The following SYNE2 variants were observed in gnomAD, a reference collection of about 807,000 sequenced individuals.
SYNE2 encodes the protein nesprin-2.
In SYNE2, 431 loss-of-function variants were observed where a neutral mutation model predicts 856.3. The ratio of observed to expected loss-of-function variants is 0.50; its 90% confidence interval spans 0.47 to 0.55. The LOEUF (loss-of-function observed/expected upper bound fraction) is 0.55. Ranked by LOEUF, SYNE2 falls within the 20% of genes least tolerant of loss-of-function variation. The pLI, the probability that SYNE2 is intolerant of heterozygous loss-of-function variation, is 0.00. For missense variants in SYNE2, 8,129 were observed against 8,023.2 expected (o/e 1.01, Z -0.50); for synonymous variants, 2,923 against 2,872.3 (o/e 1.02, Z -0.56).
chr14:63,949,346 GT>G (rs1419698228), intron 6 of SYNE2, among the ~76,000 whole-genome samples: 6 of 152,062 alleles, frequency 3.9e-5, no homozygotes, highest in African/African-American at 1.5e-4. Context: ...TAATGCAATT[GT>G]TTTTCATAGA....
chr14:64,053,915 G>A (rs2097248553), intron 48 of SYNE2, among the ~76,000 whole-genome samples: 1 of 152,200 alleles, frequency 6.6e-6, no homozygotes, highest in African/African-American at 2.4e-5. Context: ...GTTGTAATGA[G>A]TCAACATCCC....
intron 32 of SYNE2, among the ~76,000 whole-genome samples, chr14:64,011,105 T>C (rs1390788046): frequency 6.6e-6 from 1 of 150,462 alleles, no homozygotes; most frequent in Non-Finnish European, 1.5e-5. Flanking sequence ...ATTTAGTCCT[T>C]ATCTAGAACT....
intron 45 of SYNE2, among the ~76,000 whole-genome samples, chr14:64,042,564 G>A (rs896141972): frequency 6.6e-6 from 1 of 152,166 alleles, no homozygotes; most frequent in Admixed American, 6.5e-5. Flanking sequence ...ATGGGGGCAG[G>A]TCTTTCCTGC....
At chr14:63,971,762 G>A (rs974066111) in intron 11 of SYNE2, among the ~76,000 whole-genome samples, 2 of 152,078 alleles carry the variant, frequency 1.3e-5, no homozygotes, top group South Asian at 4.1e-4. Context: ...ATACAGGGCT[G>A]TGAGTGACAA....
At chr14:64,113,105 C>T in intron 65 of SYNE2, 1 of 985,398 alleles carries the variant, frequency 1.0e-6, no homozygotes, top group Non-Finnish European at 1.2e-6. Flanking sequence ...CTGTTTGCGT[C>T]CTCTGTGCCC....
At chr14:64,091,784 G>A (rs1464502836) in intron 60 of SYNE2, among the ~76,000 whole-genome samples, 1 of 152,202 alleles carries the variant, frequency 6.6e-6, no homozygotes, top group Non-Finnish European at 1.5e-5. Flanking sequence ...CAGAAAGTCT[G>A]CACAGACTTC....
intron 53 of SYNE2, chr14:64,075,653 A>G: frequency 2.9e-6 from 1 of 339,114 alleles, no homozygotes; most frequent in South Asian, 3.0e-5. Context: ...TGCAATGGAG[A>G]TACAATTAAA....
chr14:64,019,023 C>T (rs1322836110), intron 34 of SYNE2, among the ~76,000 whole-genome samples: 2 of 152,200 alleles, frequency 1.3e-5, no homozygotes, highest in Admixed American at 1.3e-4. Context: ...GTAATCCCAG[C>T]ATTTTGGGAG....
At chr14:63,886,116 T>G (rs1012347363) in intron 1 of SYNE2, among the ~76,000 whole-genome samples, 9 of 152,192 alleles carry the variant, frequency 5.9e-5, no homozygotes, top group African/African-American at 2.2e-4. Flanking sequence ...AGAATGAAAG[T>G]AGTTTTAACA....
chr14:64,045,326 C>CA (rs1447327387), intron 45 of SYNE2, among the ~76,000 whole-genome samples: 1 of 151,574 alleles, frequency 6.6e-6, no homozygotes, highest in African/African-American at 2.4e-5. Context: ...ACTGGATCAT[C>CA]AGATAAGAGA....
At chr14:64,148,622 G>T (rs916296744) in intron 84 of SYNE2, among the ~76,000 whole-genome samples, 8 of 152,076 alleles carry the variant, frequency 5.3e-5, no homozygotes, top group Admixed American at 2.6e-4. Context: ...CCCACTGACT[G>T]TGCCTTCCTA....
chr14:64,102,683 C>CTT, intron 64 of SYNE2, among the ~76,000 whole-genome samples: 1 of 151,908 alleles, frequency 6.6e-6, no homozygotes, highest in South Asian at 2.1e-4. Context: ...CGCTTAGCAA[C>CTT]TTTTAAGTAT....
At chr14:64,040,223 G>A (rs1349088266) in intron 45 of SYNE2, among the ~76,000 whole-genome samples, 3 of 151,950 alleles carry the variant, frequency 2.0e-5, no homozygotes, top group East Asian at 1.9e-4. Flanking sequence ...TAGCACAAAG[G>A]AACACTCTAC....
chr14:63,881,520 G>C (rs1055325410), intron 1 of SYNE2, among the ~76,000 whole-genome samples: 1 of 150,930 alleles, frequency 6.6e-6, no homozygotes, highest in Non-Finnish European at 1.5e-5. Flanking sequence ...CTGATCTTTT[G>C]AGTTAGAGTT....
intron 45 of SYNE2, chr14:64,034,578 T>G: frequency 1.8e-6 from 1 of 549,094 alleles, no homozygotes; most frequent in South Asian, 2.6e-5. Context: ...GAATTTCATT[T>G]CAGATGAAAT....
At chr14:63,876,569 G>A (rs1237804606) in intron 1 of SYNE2, among the ~76,000 whole-genome samples, 2 of 151,196 alleles carry the variant, frequency 1.3e-5, no homozygotes, top group Non-Finnish European at 2.9e-5. Flanking sequence ...CTCACTGCAA[G>A]CTCCGCCTCC....
rs565004438 is a variant in SYNE2, at chr14:64,039,586, G to A, written c.7221+8229G>A. 6.0e-4 allele frequency among the ~76,000 whole-genome samples: 91 copies of A among 152,252 alleles called. 1 individual carries two copies. In the South Asian group the frequency reaches 0.018, roughly 31 times the overall value. ...GCAACATTTTAAAAAAAGAGTAGAC[G>A]TTGTTGGCCATGTAGCCCAACCATG... is the stretch of plus-strand genomic sequence containing the variant. On this transcript the variant is annotated intron_variant, in intron 45 of 115. Coordinates refer to ENST00000555002, the MANE Select transcript of SYNE2 (RefSeq NM_182914.3).
intron 91 of SYNE2, 53 bp downstream of exon 91, chr14:64,167,440 T>A: frequency 6.2e-7 from 1 of 1,614,252 alleles, no homozygotes; most frequent in Admixed American, 1.7e-5. Context: ...ATTAACGGCT[T>A]CAGCTCGGGA....
chr14:63,830,584 C>T lies in SYNE2; in HGVS notation c.-304-21917C>T, dbSNP rs113407401. On this transcript the variant is annotated intron_variant, in intron 1 of 23. Coordinates refer to the SYNE2 transcript ENST00000674003. The stretch of plus-strand genomic sequence containing the variant: ...GCTGAGGAGGGAGGATTGCATGAGC[C>T]CAGGTGTTCAAGGCTGCAGTGAACC... Among the ~76,000 whole-genome samples the T allele has an allele frequency of 8.7e-4, 132 of 151,566 alleles. 1 individual carries two copies. The highest frequency in any genetic ancestry group is 3.0e-3 in the African/African-American group (124 of 41,318).
Sources: allele counts gnomAD v4.1 joint callset (sites outside exome capture counted in the v4.1 genomes callset), GRCh38; gene constraint gnomAD v4.1.1; transcripts MANE v1.5; gene names NCBI Gene and HGNC (gene_info 2026-07-23, HGNC 2026-07-21).